The following WNK1 variants were observed in gnomAD, a reference collection of about 807,000 sequenced individuals.
WNK1 encodes WNK lysine deficient protein kinase 1, also known as serine/threonine-protein kinase WNK1.
WNK1 carries 38 observed loss-of-function variants against 222.8 expected under a neutral mutation model. The ratio of observed to expected loss-of-function variants is 0.17; its 90% CI spans 0.13 to 0.22. WNK1 has a LOEUF of 0.22. WNK1 is among the 10% of genes least tolerant of loss of function. The pLI, the probability that WNK1 is intolerant of heterozygous loss-of-function variation, is 1.00. For missense variants in WNK1, 2,348 were observed against 2,918.4 expected (o/e 0.80, Z 4.50); for synonymous variants, 1,090 against 1,092.9 (o/e 1.00, Z 0.05).
chr12:831,334 A>T (rs1241036026), intron 4 of WNK1, among the ~76,000 whole-genome samples: 3 of 151,872 alleles, frequency 2.0e-5, no homozygotes, highest in African/African-American at 4.8e-5. Context: ...GGTCAGGAGT[A>T]TGAGACTAGA....
intron 26 of WNK1, among the ~76,000 whole-genome samples, chr12:904,811 C>A (rs941569069): frequency 1.3e-5 from 2 of 152,112 alleles, no homozygotes; most frequent in Non-Finnish European, 2.9e-5. Context: ...AGTGTTATTA[C>A]CCCAACTGGA....
Position 897,671 on chromosome 12 carries a change from CCAGCTTTCAGGTAAAAAGCCCT to C in WNK1, c.6439_6448+12del. ...GCAGTTCCTTGGGGAATAAAAGCCC[CCAGCTTTCAGGTAAAAAGCCCT>C]GGACTAGGTCAGCCACAGCTGTCCT... On this transcript the variant is annotated splice_donor_variant and splice_donor_5th_base_variant and coding_sequence_variant and intron_variant, in exon 25 of 28. Coordinates refer to ENST00000315939, the MANE Select transcript of WNK1 (RefSeq NM_018979.4). LOFTEE classifies it high-confidence loss of function. The C allele has an allele frequency of 6.2e-7, 1 of 1,614,194 alleles. No individual in the cohort carries two copies. The highest frequency in any genetic ancestry group is 8.5e-7 in the Non-Finnish European group (1 of 1,180,032).
chr12:896,026 G>A (rs1156737922), intron 23 of WNK1, 45 bp from the exon 24 acceptor site: 2 of 1,610,082 alleles, frequency 1.2e-6, no homozygotes, highest in South Asian at 1.1e-5. Context: ...GATAGAAATT[G>A]GATATTGAGA....
chr12:885,189 G>A lies in WNK1; in HGVS notation c.4385G>A (p.Gly1462Asp). ...TCAGCAACTTCAGCCTCTGCAGGGG[G>A]CAGTACTGCTACCCCAGGTCCTAAG... is the stretch of plus-strand genomic sequence containing the variant. ...TVSATSASAG[G>D]STATPGPKPP... Residue 1462 changes from glycine to aspartate, a missense_variant, in exon 19 of 28, where the codon GGC (glycine) becomes GAC (aspartate). This residue lies in a region of WNK1 where 1,144 missense variants were observed against 1,273.6 expected (regional missense o/e 0.90). Coordinates refer to ENST00000315939, the MANE Select transcript of WNK1 (RefSeq NM_018979.4). 6.2e-7 allele frequency: 1 copy of A among 1,614,128 alleles called. No individual in the cohort carries two copies. Among genetic ancestry groups the A allele is most frequent in the Non-Finnish European group, 8.5e-7 (1 of 1,180,020 alleles).
intron 27 of WNK1, 24 bp from the exon 28 acceptor site, chr12:908,451 G>T: frequency 1.2e-6 from 2 of 1,613,768 alleles, no homozygotes; most frequent in South Asian, 1.1e-5. Flanking sequence ...CACCAGACTT[G>T]ACACGTGGTG....
At chr12:807,182 G>A (rs998369439) in intron 1 of WNK1, among the ~76,000 whole-genome samples, 6 of 152,028 alleles carry the variant, frequency 3.9e-5, no homozygotes, top group Admixed American at 3.9e-4. Flanking sequence ...ACAAGAGCTG[G>A]GTGTGGTGGT....
intron 26 of WNK1, 37 bp from the exon 27 acceptor site, chr12:907,810 G>A (rs1272886970): frequency 1.2e-6 from 2 of 1,611,248 alleles, no homozygotes; most frequent in Non-Finnish European, 1.7e-6. Flanking sequence ...TGTAACCTAG[G>A]CTTCTTTTAA....
In WNK1 at chr12:868,276, G is replaced by A. The variant is rs749806337; in HGVS notation, c.2140-2989G>A. 3 of 1,603,234 alleles carry A rather than the reference G, an allele frequency of 1.9e-6. No homozygotes were observed. Among genetic ancestry groups the A allele is most frequent in the Non-Finnish European group, 2.6e-6 (3 of 1,174,316 alleles). ...ACTATTTTATTCCTCAGGAAGCAGT[G>A]TATGTAGCTGGGGTACATTACCAGG... On this transcript the variant is annotated intron_variant, in intron 8 of 27. Coordinates refer to ENST00000315939, the MANE Select transcript of WNK1 (RefSeq NM_018979.4).
chr12:878,605 T>C (rs1952835979), intron 10 of WNK1, among the ~76,000 whole-genome samples: 2 of 151,776 alleles, frequency 1.3e-5, no homozygotes, highest in South Asian at 4.2e-4. Flanking sequence ...AAAGTTTCAC[T>C]TCTAGTCTTA....
chr12:810,226 G>A (rs11064543), intron 1 of WNK1, among the ~76,000 whole-genome samples: 87,135 of 151,304 alleles, frequency 0.58, 25,415 homozygotes, highest in East Asian at 0.81. Flanking sequence ...CAGCCTGTGC[G>A]ACAGAGCAAG....
chr12:772,208 C>G (rs1210241544), intron 1 of WNK1, among the ~76,000 whole-genome samples: 3 of 152,104 alleles, frequency 2.0e-5, no homozygotes, highest in African/African-American at 7.2e-5. Flanking sequence ...GTATCTTTAT[C>G]CAGAGATAAG....
intron 19 of WNK1, among the ~76,000 whole-genome samples, chr12:886,344 A>G (rs1344608725): frequency 1.3e-5 from 2 of 152,166 alleles, no homozygotes; most frequent in Non-Finnish European, 2.9e-5. Context: ...AAATACAGGT[A>G]TTTCTTCTGA....
chr12:900,870 C>G lies in WNK1; in HGVS notation c.6643+200C>G, dbSNP rs1955198736. 3 of 687,510 alleles carry G rather than the reference C, an allele frequency of 4.4e-6. No homozygotes were observed. The South Asian group carries it at 4.9e-5, about 11-fold the overall frequency. The allele number at this position is 687,510 out of a possible 1,614,324, so 42.6% of individuals were successfully genotyped here. ...TCACTGCTCCCATTAGGTGAAATTA[C>G]TTTTTTTCAAGGAATTACAGTGAAA... On this transcript the variant is annotated intron_variant, in intron 26 of 27. Coordinates refer to ENST00000315939, the MANE Select transcript of WNK1 (RefSeq NM_018979.4).
At chr12:801,802 CAG>C (rs756182801) in intron 1 of WNK1, among the ~76,000 whole-genome samples, 44 of 152,218 alleles carry the variant, frequency 2.9e-4, no homozygotes, top group Middle Eastern at 3.4e-3. Context: ...GATATAAAGA[CAG>C]AACTCTGGGA....
intron 2 of WNK1, among the ~76,000 whole-genome samples, chr12:818,209 C>A (rs906367077): frequency 1.3e-5 from 2 of 152,110 alleles, no homozygotes; most frequent in Non-Finnish European, 2.9e-5. Context: ...CGTATTTTTT[C>A]TTTAATTGCA....
At chr12:830,226 A>T (rs1948683725) in intron 4 of WNK1, 66 bp downstream of exon 4, 1 of 1,558,692 alleles carries the variant, frequency 6.4e-7, no homozygotes, top group Non-Finnish European at 8.8e-7. Context: ...AAGGTGGATG[A>T]CATCAAACCA....
At position 758,109 on chromosome 12, in the gene WNK1, G is replaced by A. The variant is rs556234930; in HGVS notation, c.759+3785G>A. 5.5e-5 allele frequency among the ~76,000 whole-genome samples: 8 copies of A among 145,246 alleles called. 1 individual carries two copies. The East Asian group carries it at 1.6e-3, about 29-fold the overall frequency. On this transcript the variant is annotated intron_variant, in intron 1 of 27. Coordinates refer to ENST00000315939, the MANE Select transcript of WNK1 (RefSeq NM_018979.4). ...CAGATTTAAGAATGATTTATTTTAA[G>A]CACCTTCCCAAGTTGCCTCTGAAGA...
At chr12:819,236 A>G (rs1565474690) in intron 2 of WNK1, among the ~76,000 whole-genome samples, 1 of 152,064 alleles carries the variant, frequency 6.6e-6, no homozygotes. Flanking sequence ...TATATTTTAG[A>G]AATTAGACCC....
At chr12:824,660 G>A (rs1455856216) in intron 2 of WNK1, among the ~76,000 whole-genome samples, 1 of 104,662 alleles carries the variant, frequency 9.6e-6, no homozygotes, top group East Asian at 3.6e-4. Flanking sequence ...AGGTGCTATG[G>A]GAATAGTTAA....
Sources: gnomAD v4.1 joint callset for allele counts (sites outside exome capture counted in the v4.1 genomes callset) on GRCh38, gnomAD v4.1.1 for gene constraint, gnomAD v4.1.1 regional missense constraint, MANE v1.5 for transcripts, NCBI Gene and HGNC (gene_info 2026-07-23, HGNC 2026-07-21) for gene names.